The following KSR1 variants were observed in gnomAD, a reference collection of about 807,000 sequenced individuals.
KSR1 encodes the protein kinase suppressor of ras 1.
A neutral mutation model predicts 92.9 loss-of-function variants in KSR1; 35 were observed. The observed-to-expected ratio is 0.38, with a 90% CI of 0.29 to 0.50. The LOEUF (loss-of-function observed/expected upper bound fraction) is 0.50, where lower values mean the gene tolerates loss of function less well. Among genes scored for constraint, KSR1 ranks in the 20% least tolerant of loss-of-function variants. KSR1 has a pLI of 0.94. For missense variants in KSR1, 972 were observed against 1,158.5 expected (o/e 0.84, Z 2.34); for synonymous variants, 467 against 472.6 (o/e 0.99, Z 0.15).
At chr17:27,597,233 C>G in intron 9 of KSR1, 35 bp from the exon 10 acceptor site, 1 of 1,552,266 alleles carries the variant, frequency 6.4e-7, no homozygotes, top group African/African-American at 1.4e-5. Context: ...GGGGCCAGGA[C>G]AGCCCTGCCA....
At chr17:27,493,779 C>T (rs1035667077) in intron 1 of KSR1, among the ~76,000 whole-genome samples, 5 of 152,012 alleles carry the variant, frequency 3.3e-5, no homozygotes, top group Admixed American at 6.6e-5. Flanking sequence ...ATAATGGGGT[C>T]GTGAGACCAT....
chr17:27,492,621 G>A (rs943338403), intron 1 of KSR1, among the ~76,000 whole-genome samples: 7 of 152,174 alleles, frequency 4.6e-5, no homozygotes, highest in African/African-American at 1.7e-4. Context: ...TGTTCTGTGA[G>A]TAATATGCCC....
At chr17:27,578,125 A>C (rs994071057) in intron 3 of KSR1, 18 of 193,224 alleles carry the variant, frequency 9.3e-5, no homozygotes, top group Non-Finnish European at 1.5e-4. Flanking sequence ...AAAGTGTGTA[A>C]TCCTGGCCTT....
intron 4 of KSR1, chr17:27,584,039 C>T (rs768443523): frequency 2.1e-4 from 191 of 917,964 alleles, no homozygotes; most frequent in Middle Eastern, 1.7e-3. Context: ...TCTTGATGGG[C>T]GTTAGATCAT....
chr17:27,525,991 A>ACTTTTCTTTTCTTTT (rs138403263), intron 1 of KSR1, among the ~76,000 whole-genome samples: 7,167 of 71,112 alleles, frequency 0.1, 934 homozygotes, highest in East Asian at 0.44. Context: ...ACTGCAACTA[A>ACTTTTCTTTTCTTTT]CTTTTCTTTT....
chr17:27,574,729 T>G (rs1363747464), intron 2 of KSR1, among the ~76,000 whole-genome samples: 1 of 152,190 alleles, frequency 6.6e-6, no homozygotes, highest in Non-Finnish European at 1.5e-5. Context: ...AAATTAGTCC[T>G]TAAAAGTAAA....
intron 1 of KSR1, among the ~76,000 whole-genome samples, chr17:27,536,678 TC>T (rs1476730261): frequency 6.6e-6 from 1 of 152,154 alleles, no homozygotes; most frequent in Admixed American, 6.5e-5. Context: ...CATGAACTGG[TC>T]CTGGTCCCTG....
At chr17:27,491,347 G>A (rs575538703) in intron 1 of KSR1, among the ~76,000 whole-genome samples, 24 of 65,360 alleles carry the variant, frequency 3.7e-4, no homozygotes, top group Non-Finnish European at 6.3e-4. Context: ...GTGTGTGTGT[G>A]TGTGTTGGGG....
intron 4 of KSR1, 113 bp downstream of exon 4, chr17:27,583,218 G>T: frequency 1.4e-6 from 1 of 707,164 alleles, no homozygotes. Flanking sequence ...AAAGTCAAAA[G>T]TAAAAGGTGC....
At chr17:27,574,425 G>C (rs1292263757) in intron 2 of KSR1, among the ~76,000 whole-genome samples, 1 of 148,050 alleles carries the variant, frequency 6.8e-6, no homozygotes, top group Non-Finnish European at 1.5e-5. Flanking sequence ...GAGCTTCTTG[G>C]TACAGTTATG....
At chr17:27,547,948 A>G (rs1249399264) in intron 1 of KSR1, among the ~76,000 whole-genome samples, 1 of 152,140 alleles carries the variant, frequency 6.6e-6, no homozygotes, top group African/African-American at 2.4e-5. Context: ...TCTGATTTTA[A>G]GTGATCCACC....
intron 1 of KSR1, among the ~76,000 whole-genome samples, chr17:27,469,644 A>T (rs1168612704): frequency 6.6e-6 from 1 of 152,216 alleles, no homozygotes; most frequent in African/African-American, 2.4e-5. Flanking sequence ...ACCAAGATAC[A>T]GAAGGAGTGC....
chr17:27,487,097 A>G (rs1416128657), intron 1 of KSR1, among the ~76,000 whole-genome samples: 4 of 152,172 alleles, frequency 2.6e-5, no homozygotes, highest in Non-Finnish European at 5.9e-5. Context: ...AGTCCATTTT[A>G]TGTTGCTATA....
intron 1 of KSR1, among the ~76,000 whole-genome samples, chr17:27,463,798 G>A (rs2019558204): frequency 6.6e-6 from 1 of 152,196 alleles, no homozygotes. Context: ...CACTTTAACT[G>A]CATTCTTGGT....
At chr17:27,565,627 G>C (rs1439843184) in intron 2 of KSR1, among the ~76,000 whole-genome samples, 1 of 152,086 alleles carries the variant, frequency 6.6e-6, no homozygotes, top group Non-Finnish European at 1.5e-5. Context: ...CTTTTGCCAT[G>C]TTGCCCAGGC....
At chr17:27,620,014 A>G (rs2074179768) in intron 19 of KSR1, among the ~76,000 whole-genome samples, 3 of 152,348 alleles carry the variant, frequency 2.0e-5, no homozygotes, top group African/African-American at 7.2e-5. Flanking sequence ...CCCTGTCTTG[A>G]TAAAGAACCA....
chr17:27,480,086 A>G (rs1320777334), intron 1 of KSR1, among the ~76,000 whole-genome samples: 6 of 152,190 alleles, frequency 3.9e-5, no homozygotes, highest in Non-Finnish European at 8.8e-5. Flanking sequence ...CTCTCATTCC[A>G]CTTGGGGCAA....
At chr17:27,551,195 GT>G (rs2071385566) in intron 2 of KSR1, among the ~76,000 whole-genome samples, 1 of 152,208 alleles carries the variant, frequency 6.6e-6, no homozygotes, top group Admixed American at 6.5e-5. Flanking sequence ...TCAGAATTTA[GT>G]TTAATCTTCT....
At chr17:27,611,466 G>A in intron 17 of KSR1, 28 bp from the exon 18 acceptor site, 1 of 1,613,666 alleles carries the variant, frequency 6.2e-7, no homozygotes, top group Non-Finnish European at 8.5e-7. Context: ...CGGCCCAGGA[G>A]CTCACAGACA....
Sources: allele counts gnomAD v4.1 joint callset (sites outside exome capture counted in the v4.1 genomes callset), GRCh38; gene constraint gnomAD v4.1.1; transcripts MANE v1.5; gene names NCBI Gene and HGNC (gene_info 2026-07-23, HGNC 2026-07-21).